MXI1: variants seen among roughly 807,000 people sequenced by gnomAD.
MXI1 encodes the protein max-interacting protein 1.
Under a neutral mutation model 36.9 loss-of-function variants are expected in MXI1, and 18 were observed. That is an observed-to-expected ratio of 0.49 (90% confidence interval 0.34 to 0.72). The LOEUF (loss-of-function observed/expected upper bound fraction) is 0.72. Ranked by LOEUF, MXI1 falls within the 30% of genes least tolerant of loss-of-function variation. The pLI is 0.01. For synonymous variants in MXI1, 160 were observed against 146.7 expected, an observed-to-expected ratio of 1.09 and a Z score of -0.65; for missense variants, 304 against 379.1, an observed-to-expected ratio of 0.80 and a Z score of 1.64.
At chr10:110,225,843 G>A in intron 1 of MXI1, 1 of 257,366 alleles carries the variant, frequency 3.9e-6, no homozygotes, top group East Asian at 1.8e-4. Flanking sequence ...CGAATCTTGC[G>A]GAACGCAGGC....
intron 1 of MXI1, among the ~76,000 whole-genome samples, chr10:110,216,176 C>G (rs112904296): frequency 6.6e-6 from 1 of 152,094 alleles, no homozygotes; most frequent in Non-Finnish European, 1.5e-5. Flanking sequence ...TTCAGGTGAC[C>G]CTTGGTTTGA....
At chr10:110,241,154 A>G (rs1479084067) in intron 2 of MXI1, among the ~76,000 whole-genome samples, 1 of 152,008 alleles carries the variant, frequency 6.6e-6, no homozygotes, top group Non-Finnish European at 1.5e-5. Context: ...GGAATACATT[A>G]GGATGCCTCT....
intron 1 of MXI1, among the ~76,000 whole-genome samples, chr10:110,221,597 A>T (rs1854807891): frequency 6.6e-6 from 1 of 152,250 alleles, no homozygotes; most frequent in South Asian, 2.1e-4. Flanking sequence ...TAACACATCC[A>T]TTATAATCAC....
chr10:110,252,601 A>G (rs895465878), intron 3 of MXI1, among the ~76,000 whole-genome samples: 3 of 152,146 alleles, frequency 2.0e-5, no homozygotes, highest in African/African-American at 4.8e-5. Flanking sequence ...CTTAACATTT[A>G]TATCTGTCTG....
Position 110,287,098 on chromosome 10 carries a change from T to A in MXI1, c.*2111T>A, listed in dbSNP as rs1857439908. 6.6e-6 allele frequency: 1 copy of A among 152,248 alleles called. No homozygotes were observed. The highest frequency in any genetic ancestry group is 1.5e-5 in the Non-Finnish European group (1 of 68,040). The allele number at this position is 152,248 out of a possible 1,614,324, so 9.4% of individuals were successfully genotyped here. On this transcript the variant is annotated 3_prime_UTR_variant, in exon 6 of 6. Transcript: ENST00000332674. ...TAAGCTTCTGTTTGTTTTGTTATTC[T>A]CATGGCCTTCGCTTGCATTATTTGG...
intron 1 of MXI1, among the ~76,000 whole-genome samples, chr10:110,225,816 C>T (rs1447916720): frequency 6.6e-6 from 1 of 152,226 alleles, no homozygotes; most frequent in Non-Finnish European, 1.5e-5. Flanking sequence ...CGGGACTACA[C>T]CTTCCGACGA....
chr10:110,249,354 C>T (rs998522358), intron 3 of MXI1, among the ~76,000 whole-genome samples: 5 of 151,800 alleles, frequency 3.3e-5, no homozygotes, highest in African/African-American at 1.2e-4. Flanking sequence ...ATATAAGCTT[C>T]TCTGAGTTAG....
At chr10:110,240,688 T>A (rs552234528) in intron 2 of MXI1, among the ~76,000 whole-genome samples, 14 of 152,046 alleles carry the variant, frequency 9.2e-5, no homozygotes, top group Non-Finnish European at 1.6e-4. Flanking sequence ...GCTAAAATTT[T>A]CTGGTTTTTT....
intron 2 of MXI1, among the ~76,000 whole-genome samples, chr10:110,242,743 T>C (rs1475478386): frequency 1.3e-5 from 2 of 151,986 alleles, no homozygotes; most frequent in Non-Finnish European, 2.9e-5. Flanking sequence ...CAATATAATA[T>C]TGGAATTCAA....
chr10:110,234,706 G>T (rs1335526458), intron 2 of MXI1, among the ~76,000 whole-genome samples: 29 of 152,124 alleles, frequency 1.9e-4, no homozygotes, highest in Admixed American at 1.9e-3. Context: ...TTAGAATATT[G>T]CTCTGTAATA....
rs1857437515 is a variant in MXI1, at chr10:110,286,983, A to T, written c.*1996A>T. 1 of 152,226 alleles carries T rather than the reference A, an allele frequency of 6.6e-6. No individual in the cohort carries two copies. Among genetic ancestry groups the T allele is most frequent in the African/African-American group, 2.4e-5 (1 of 41,468 alleles). 9.4% of individuals were successfully genotyped at this position (152,226 alleles called of 1,614,324 possible). On this transcript the variant is annotated 3_prime_UTR_variant, in exon 6 of 6. Coordinates refer to ENST00000332674, the MANE Select transcript of MXI1 (RefSeq NM_130439.3). ...ACTTATAATTACTAATGGCTGAGTC[A>T]AGATGTTGTCTCTGTGTTTGCTTAC...
intron 2 of MXI1, among the ~76,000 whole-genome samples, chr10:110,241,226 G>C (rs537277001): frequency 5.3e-5 from 8 of 152,104 alleles, no homozygotes; most frequent in African/African-American, 1.4e-4. Flanking sequence ...TGATAGAAAT[G>C]TCTTTGTCAT....
chr10:110,219,807 C>T (rs1310970757), intron 1 of MXI1, among the ~76,000 whole-genome samples: 1 of 152,220 alleles, frequency 6.6e-6, no homozygotes, highest in East Asian at 1.9e-4. Context: ...TGGCACATAA[C>T]AGATGCTTAA....
intron 3 of MXI1, among the ~76,000 whole-genome samples, chr10:110,245,233 A>C (rs1196994162): frequency 6.6e-6 from 1 of 152,122 alleles, no homozygotes; most frequent in Admixed American, 6.6e-5. Flanking sequence ...TTCCTTTGTA[A>C]TTTGTTCATT....
intron 4 of MXI1, 45 bp downstream of exon 4, chr10:110,279,339 G>T: frequency 6.6e-7 from 1 of 1,511,864 alleles, no homozygotes; most frequent in South Asian, 1.1e-5. Context: ...CTCAGTTCTG[G>T]TTTAATTATT....
At chr10:110,218,206 T>C (rs1434515637) in intron 1 of MXI1, among the ~76,000 whole-genome samples, 1 of 152,028 alleles carries the variant, frequency 6.6e-6, no homozygotes, top group African/African-American at 2.4e-5. Context: ...ATCCCAGCAC[T>C]TTGGGAGGCC....
At chr10:110,236,567 C>G (rs1190782340) in intron 2 of MXI1, among the ~76,000 whole-genome samples, 2 of 152,072 alleles carry the variant, frequency 1.3e-5, no homozygotes, top group Admixed American at 6.6e-5. Flanking sequence ...GGTGATTCTC[C>G]CATCGCAGCC....
At chr10:110,259,032 T>A (rs1338056708) in intron 3 of MXI1, among the ~76,000 whole-genome samples, 1 of 152,132 alleles carries the variant, frequency 6.6e-6, no homozygotes, top group Non-Finnish European at 1.5e-5. Flanking sequence ...TTATGAGATC[T>A]TAAAAAATAA....
Position 110,284,926 on chromosome 10 carries a change from C to A in MXI1, c.827C>A (p.Pro276Gln), listed in dbSNP as rs757613074. 3 of 1,613,876 alleles carry A rather than the reference C, an allele frequency of 1.9e-6. No individual in the cohort carries two copies. The highest frequency in any genetic ancestry group is 2.5e-6 in the Non-Finnish European group (3 of 1,179,972). The change falls in exon 6 of 6, where the codon CCG becomes CAG. Residue 276 changes from proline (P) to glutamine (Q), a missense_variant. Around this residue, in one of 2 missense-constraint regions of MXI1, gnomAD observed 125 missense variants for 194.3 expected, o/e 0.64. Coordinates refer to ENST00000332674, the MANE Select transcript of MXI1 (RefSeq NM_130439.3). The part of the protein sequence containing the change: ...ISDIDDHSSL[P>Q]SIGSDEGYSS... ...GACATTGATGACCACAGCAGCCTGCCGAGTATTGGGAGTGACGAGGGTTAC... is the reference window on the plus strand; with the variant it reads ...GACATTGATGACCACAGCAGCCTGCAGAGTATTGGGAGTGACGAGGGTTAC...
Sources: allele counts gnomAD v4.1 joint callset (sites outside exome capture counted in the v4.1 genomes callset), GRCh38; gene constraint gnomAD v4.1.1; regional missense constraint gnomAD v4.1.1; transcripts MANE v1.5; gene names NCBI Gene and HGNC (gene_info 2026-07-23, HGNC 2026-07-21).